Variants in MYO5B observed in about 807,000 individuals in gnomAD.
The protein encoded by MYO5B is unconventional myosin-Vb.
A neutral mutation model predicts 229.3 loss-of-function variants in MYO5B; 143 were observed. The observed-to-expected ratio is 0.62, with a 90% CI of 0.54 to 0.72. MYO5B has a LOEUF of 0.72. Ranked by LOEUF, MYO5B falls within the 30% of genes least tolerant of loss-of-function variation. The pLI, the probability that MYO5B is intolerant of heterozygous loss-of-function variation, is 0.00. For synonymous variants in MYO5B, 918 were observed against 885.2 expected (o/e 1.04, Z -0.66); for missense variants, 2,321 against 2,331.0 (o/e 1.00, Z 0.09).
chr18:50,091,149 C>T (rs2031439681), intron 1 of MYO5B, among the ~76,000 whole-genome samples: 1 of 152,182 alleles, frequency 6.6e-6, no homozygotes, highest in Non-Finnish European at 1.5e-5. Context: ...TGCATTGCAG[C>T]CACTTGCCAC....
chr18:50,040,023 A>T (rs2029962390), intron 3 of MYO5B, 120 bp downstream of exon 3: 1 of 1,127,552 alleles, frequency 8.9e-7, no homozygotes, highest in Admixed American at 1.7e-5. Context: ...CAAGGGTCTC[A>T]GTGGAGAGAT....
chr18:50,044,573 C>G (rs774224600), intron 2 of MYO5B, among the ~76,000 whole-genome samples: 2 of 152,086 alleles, frequency 1.3e-5, no homozygotes, highest in South Asian at 2.1e-4. Flanking sequence ...GCCTGACAAG[C>G]AGGACTAGAT....
rs183264937 is a variant in MYO5B at position 49,954,462 on chromosome 18, C to T, written c.1546-27G>A. On this transcript the variant is annotated intron_variant, in intron 12 of 39. Coordinates refer to ENST00000285039, the MANE Select transcript of MYO5B (RefSeq NM_001080467.3). ...TGCAGAACCACAAGATAGGGCAGAGCGCTTTGTGAAGAGGAAGAAGGAAGC... is the reference window on the plus strand; with the variant it reads ...TGCAGAACCACAAGATAGGGCAGAGTGCTTTGTGAAGAGGAAGAAGGAAGC... 89 of 1,613,482 alleles carry T rather than the reference C, an allele frequency of 5.5e-5. No homozygotes were observed. In the African/African-American group the frequency reaches 6.7e-4, roughly 12 times the overall value.
At chr18:49,994,098 A>C (rs1001129519) in intron 5 of MYO5B, among the ~76,000 whole-genome samples, 2 of 152,052 alleles carry the variant, frequency 1.3e-5, no homozygotes, top group Admixed American at 6.6e-5. Context: ...TTCAGGTCTC[A>C]GCATCGATGT....
chr18:49,891,318 G>GC (rs1277074443), intron 22 of MYO5B, among the ~76,000 whole-genome samples: 1 of 152,082 alleles, frequency 6.6e-6, no homozygotes, highest in Non-Finnish European at 1.5e-5. Context: ...TACCCCTCAG[G>GC]CCCCCACAGG....
At chr18:49,845,107 C>T (rs2024109019) in intron 33 of MYO5B, among the ~76,000 whole-genome samples, 1 of 152,100 alleles carries the variant, frequency 6.6e-6, no homozygotes, top group Non-Finnish European at 1.5e-5. Context: ...AAAACCCTGG[C>T]AAATGGCAGG....
intron 14 of MYO5B, among the ~76,000 whole-genome samples, chr18:49,943,391 A>G (rs577224185): frequency 6.6e-6 from 1 of 152,200 alleles, no homozygotes; most frequent in Non-Finnish European, 1.5e-5. Flanking sequence ...CTCTTCATGC[A>G]TGGCATTTCA....
chr18:50,043,484 T>C (rs1156397766), intron 2 of MYO5B, among the ~76,000 whole-genome samples: 2 of 123,250 alleles, frequency 1.6e-5, no homozygotes, highest in South Asian at 2.2e-4. Flanking sequence ...CATATATAAA[T>C]ATATTTTTAT....
intron 33 of MYO5B, among the ~76,000 whole-genome samples, chr18:49,845,651 G>C (rs762182562): frequency 6.6e-6 from 1 of 152,202 alleles, no homozygotes; most frequent in Non-Finnish European, 1.5e-5. Flanking sequence ...AAAGAAGGGA[G>C]CTGCTGGCTC....
chr18:49,869,526 T>C (rs1337442209), intron 27 of MYO5B, among the ~76,000 whole-genome samples: 1 of 152,182 alleles, frequency 6.6e-6, no homozygotes, highest in Non-Finnish European at 1.5e-5. Context: ...AGCAGCTATT[T>C]AGACTTATGG....
At chr18:50,180,903 C>A (rs113882519) in intron 1 of MYO5B, among the ~76,000 whole-genome samples, 77 of 152,334 alleles carry the variant, frequency 5.1e-4, no homozygotes, top group African/African-American at 1.8e-3. Context: ...ACATCTCATT[C>A]ATCCATTCAT....
intron 1 of MYO5B, among the ~76,000 whole-genome samples, chr18:50,145,189 T>C (rs2032479977): frequency 1.3e-5 from 2 of 152,104 alleles, no homozygotes; most frequent in African/African-American, 4.8e-5. Flanking sequence ...ATAGAAGTTT[T>C]AAGAGCAGCA....
At chr18:50,053,980 C>T (rs1408461362) in intron 2 of MYO5B, among the ~76,000 whole-genome samples, 1 of 152,166 alleles carries the variant, frequency 6.6e-6, no homozygotes, top group Non-Finnish European at 1.5e-5. Flanking sequence ...CCATTTTCTT[C>T]CAAACCTATT....
chr18:49,947,796 T>C (rs919037289), intron 14 of MYO5B, among the ~76,000 whole-genome samples: 4 of 152,226 alleles, frequency 2.6e-5, no homozygotes, highest in African/African-American at 9.6e-5. Flanking sequence ...TTCTCTGCTA[T>C]TCATTCCTAT....
At chr18:49,855,562 A>G (rs940134953) in intron 30 of MYO5B, among the ~76,000 whole-genome samples, 6 of 152,240 alleles carry the variant, frequency 3.9e-5, no homozygotes, top group African/African-American at 1.4e-4. Context: ...AATAACCATG[A>G]TAGTAATAGA....
intron 12 of MYO5B, among the ~76,000 whole-genome samples, chr18:49,958,825 T>C (rs2025524955): frequency 6.6e-6 from 1 of 152,120 alleles, no homozygotes; most frequent in African/African-American, 2.4e-5. Flanking sequence ...AAGCCCTGGT[T>C]CTCTCCTGCC....
At chr18:50,111,647 T>G (rs1462420427) in intron 1 of MYO5B, among the ~76,000 whole-genome samples, 1 of 152,254 alleles carries the variant, frequency 6.6e-6, no homozygotes, top group African/African-American at 2.4e-5. Flanking sequence ...TATTGCTGTA[T>G]GTTTGCAGAA....
At chr18:50,140,656 A>G (rs543912600) in intron 1 of MYO5B, among the ~76,000 whole-genome samples, 1 of 152,350 alleles carries the variant, frequency 6.6e-6, no homozygotes, top group South Asian at 2.1e-4. Flanking sequence ...GCAGAGCACT[A>G]GGACGAAGAT....
At chr18:49,929,774 A>G (rs560266917) in intron 16 of MYO5B, among the ~76,000 whole-genome samples, 176 bp from the exon 17 acceptor site, 40 of 152,332 alleles carry the variant, frequency 2.6e-4, no homozygotes, top group African/African-American at 9.6e-4. Flanking sequence ...ACTAAAAGAC[A>G]CCAATGTGCA....
Sources: gnomAD v4.1 joint callset for allele counts (sites outside exome capture counted in the v4.1 genomes callset) on GRCh38, gnomAD v4.1.1 for gene constraint, MANE v1.5 for transcripts, NCBI Gene and HGNC (gene_info 2026-07-23, HGNC 2026-07-21) for gene names.